Variants in CEP350 observed in about 807,000 individuals in gnomAD.
CEP350 encodes centrosomal protein 350.
CEP350 carries 126 observed loss-of-function variants against 331.8 expected under a neutral mutation model. The observed-to-expected ratio is 0.38, with a 90% CI of 0.33 to 0.44. CEP350 has a LOEUF of 0.44. Among genes scored for constraint, CEP350 ranks in the 20% least tolerant of loss-of-function variants. The pLI is 1.00. For synonymous variants in CEP350, 1,200 were observed against 1,259.5 expected, an observed-to-expected ratio of 0.95 and a Z score of 1.00; for missense variants, 3,406 against 3,634.6, an observed-to-expected ratio of 0.94 and a Z score of 1.62.
At chr1:180,063,186 C>CTT (rs35572192) in intron 26 of CEP350, among the ~76,000 whole-genome samples, 6,439 of 106,874 alleles carry the variant, frequency 0.06, 381 homozygotes, top group African/African-American at 0.13. Flanking sequence ...AAATTTGAAA[C>CTT]TTTTTTTTTT....
At chr1:180,040,947 A>T (rs1202867323) in intron 17 of CEP350, among the ~76,000 whole-genome samples, 191 bp from the exon 18 acceptor site, 4 of 152,174 alleles carry the variant, frequency 2.6e-5, no homozygotes, top group Admixed American at 6.5e-5. Context: ...TATTTGGCAT[A>T]TGGGAGGTGA....
chr1:180,041,110 G>T, intron 17 of CEP350, 28 bp from the exon 18 acceptor site: 1 of 1,504,476 alleles, frequency 6.6e-7, no homozygotes, highest in East Asian at 2.4e-5. Flanking sequence ...TCGTATCTGA[G>T]AATTAACATT....
Position 180,053,762 on chromosome 1 carries a change from C to T in CEP350, c.5002C>T (p.Pro1668Ser). ...TLSTAKELNMPFSGGQDSFSK... is the reference protein window; with the variant it reads ...TLSTAKELNMSFSGGQDSFSK... ...CCATCTACTTTAGGAACTGAACATG[C>T]CATTCTCAGGAGGACAAGATAGCTT... Residue 1668 changes from proline (P) to serine (S), a missense_variant, in exon 24 of 38, where the codon CCA (proline) becomes TCA (serine). This residue lies in a region of CEP350 where 104 missense variants were observed against 143.3 expected (regional missense o/e 0.73). Transcript: ENST00000367607. 1.9e-6 allele frequency: 3 copies of T among 1,577,816 alleles called. No homozygotes were observed. The highest frequency in any genetic ancestry group is 2.6e-6 in the Non-Finnish European group (3 of 1,156,380).
rs745628557 is a variant in CEP350, at chr1:180,020,023, C to T, written c.2249C>T (p.Pro750Leu). Reference sequence around the variant, plus strand: ...CAAGTTCACCATTCTCAACCACAGCCTTTTGCTGGAACAGCTGGAAGTTTA... The same window carrying T: ...CAAGTTCACCATTCTCAACCACAGCTTTTTGCTGGAACAGCTGGAAGTTTA... ...SPQVHHSQPQ[P>L]FAGTAGSLLS... The change falls in exon 12 of 38, where the codon CCT (proline) becomes CTT (leucine). Residue 750 changes from proline to leucine, a missense_variant. By Grantham distance (98) the Pro-to-Leu change is moderately conservative. Coordinates refer to ENST00000367607, the MANE Select transcript of CEP350 (RefSeq NM_014810.5). 3 of 1,613,960 alleles carry T rather than the reference C, an allele frequency of 1.9e-6. No individual in the cohort carries two copies. The highest frequency in any genetic ancestry group is 2.5e-6 in the Non-Finnish European group (3 of 1,179,858).
chr1:180,059,175 A>G (rs1363544101), intron 25 of CEP350, among the ~76,000 whole-genome samples: 6 of 152,204 alleles, frequency 3.9e-5, no homozygotes, highest in Non-Finnish European at 8.8e-5. Context: ...TCAGAAACTC[A>G]GGCCTAAGTT....
In CEP350 at chr1:180,044,045, T is replaced by A. The variant is rs79556502; in HGVS notation, c.4500-6T>A. On this transcript the variant is annotated splice_region_variant and splice_polypyrimidine_tract_variant and intron_variant, in intron 20 of 37. Coordinates refer to ENST00000367607, the MANE Select transcript of CEP350 (RefSeq NM_014810.5). Reference sequence around the variant, plus strand: ...AATGTTTAATCAGTTTTTATTTTATTTGTAGGAAAAGTCCATCTGTTTCAC... The same window carrying A: ...AATGTTTAATCAGTTTTTATTTTATATGTAGGAAAAGTCCATCTGTTTCAC... The A allele has an allele frequency of 6.6e-7, 1 of 1,520,800 alleles. No individual in the cohort carries two copies. The highest frequency in any genetic ancestry group is 2.5e-5 in the East Asian group (1 of 40,664). The allele number at this position is 1,520,800 out of a possible 1,614,324, so 94.2% of individuals were successfully genotyped here.
chr1:179,997,155 C>G lies in CEP350; in HGVS notation c.998C>G (p.Pro333Arg), dbSNP rs1412603011. 1 of 1,613,282 alleles carries G rather than the reference C, an allele frequency of 6.2e-7. No individual in the cohort carries two copies. Among genetic ancestry groups the G allele is most frequent in the Admixed American group, 1.7e-5 (1 of 59,924 alleles). ...AAAGTCAGAAAAGTGGCAACAGCAC[C>G]ACCTGCTCCAGCATATAAAGGTTTG... ...TAKVRKVATA[P>R]PAPAYKGFNP... Residue 333 changes from proline (P) to arginine (R), a missense_variant, in exon 6 of 38, where the codon CCA becomes CGA. Transcript: ENST00000367607.
In CEP350 at chr1:180,090,836, G is replaced by A. The variant is rs903947638; in HGVS notation, c.6508+40G>A. 3 of 1,477,364 alleles carry A rather than the reference G, an allele frequency of 2.0e-6. No homozygotes were observed. The African/African-American group carries it at 4.3e-5, about 21-fold the overall frequency. 91.5% of individuals were successfully genotyped at this position (1,477,364 alleles called of 1,614,324 possible). A position where few individuals can be genotyped will look rare whatever the true frequency, so the allele number is the denominator to read the frequency against. On this transcript the variant is annotated intron_variant, in intron 33 of 37. Coordinates refer to ENST00000367607, the MANE Select transcript of CEP350 (RefSeq NM_014810.5). ...AAAATAATTAACTTGTAGCTACATA[G>A]TCTAAGGATTTATGCAAAGGCCTAC...
At position 180,093,387 on chromosome 1, in the gene CEP350, A is replaced by G. The variant is rs760997693; in HGVS notation, c.7282A>G (p.Ser2428Gly). The G allele has an allele frequency of 1.9e-6, 3 of 1,599,540 alleles. No individual in the cohort carries two copies. ...PMRSSTSGAT[S>G]FGSNEEISEC... ...GAGGAGCTCTACAAGTGGAGCCACT[A>G]GCTTTGGTAGTAATGAGGAAATCAG... The change falls in exon 34 of 38, where the codon AGC becomes GGC. Residue 2428 changes from serine to glycine, a missense_variant. Physicochemically the swap from Ser to Gly is moderately conservative, Grantham distance 56 (BLOSUM62 0). This residue lies in a region of CEP350 where 1,415 missense variants were observed against 1,512.3 expected (regional missense o/e 0.94). Coordinates refer to ENST00000367607, the MANE Select transcript of CEP350 (RefSeq NM_014810.5).
At position 180,014,047 on chromosome 1, in the gene CEP350, C is replaced by G. The variant is rs760310872; in HGVS notation, c.1594C>G (p.Leu532Val). Reference protein sequence around the residue: ...DFLPIEIRGILDDLQLDSTAH... With the variant: ...DFLPIEIRGIVDDLQLDSTAH... ...TTTACCTATTGAAATTCGTGGCATT[C>G]TTGATGACCTACAGCTGGATTCTAC... is the stretch of plus-strand genomic sequence containing the variant. Residue 532 changes from leucine to valine, a missense_variant, in exon 10 of 38, where the codon CTT (leucine) becomes GTT (valine). Leu to Val is a conservative substitution (Grantham distance 32, BLOSUM62 1). Transcript: ENST00000367607. 1 of 1,612,456 alleles carries G rather than the reference C, an allele frequency of 6.2e-7. No individual in the cohort carries two copies. Among genetic ancestry groups the G allele is most frequent in the Admixed American group, 1.7e-5 (1 of 59,704 alleles).
At chr1:180,083,046 G>A (rs1659669379) in intron 30 of CEP350, among the ~76,000 whole-genome samples, 1 of 152,148 alleles carries the variant, frequency 6.6e-6, no homozygotes, top group Non-Finnish European at 1.5e-5. Flanking sequence ...TAAAAAGACT[G>A]TAATCTTTTT....
rs1442942156 is a variant in CEP350 at position 180,054,492 on chromosome 1, A to G, written c.5252A>G (p.Gln1751Arg). ...KKQRGLLLRL[Q>R]QEKAEIKRLQ... is the part of the protein sequence containing the mutation. ...CAGCGTGGTTTGCTTTTAAGGTTGC[A>G]GCAAGAAAAGGTATGTTAGGGAAGG... The change falls in exon 25 of 38, where the codon CAG becomes CGG. Residue 1751 changes from glutamine to arginine, a missense_variant. Coordinates refer to ENST00000367607, the MANE Select transcript of CEP350 (RefSeq NM_014810.5). 2.5e-6 allele frequency: 4 copies of G among 1,597,914 alleles called. No homozygotes were observed. The highest frequency in any genetic ancestry group is 3.5e-5 in the Admixed American group (2 of 57,636).
chr1:179,985,752 T>C (rs1652602104), intron 1 of CEP350, among the ~76,000 whole-genome samples: 1 of 102,570 alleles, frequency 9.7e-6, no homozygotes, highest in South Asian at 3.4e-4. Flanking sequence ...GAGAACAGCA[T>C]AGGGGAAACT....
rs143487664 is a variant in CEP350 at position 180,077,102 on chromosome 1, A to C, written c.5768-1361A>C. On this transcript the variant is annotated intron_variant, in intron 28 of 37. Transcript: ENST00000367607. ...GCAAAATTCTCATTACTTACAGTTA[A>C]TAAAACTATACACATAGGTAATCCA... is the stretch of plus-strand genomic sequence containing the variant. 9.6e-3 allele frequency among the ~76,000 whole-genome samples: 1,456 copies of C among 152,322 alleles called. 25 individuals carry two copies. The highest frequency in any genetic ancestry group is 0.032 in the African/African-American group (1,331 of 41,578).
chr1:180,072,673 A>T (rs1445686822), intron 27 of CEP350, among the ~76,000 whole-genome samples: 1 of 152,112 alleles, frequency 6.6e-6, no homozygotes, highest in Non-Finnish European at 1.5e-5. Context: ...TGTGTAAGTG[A>T]AGGGGAAATG....
In CEP350 at chr1:180,093,063, GAAAATCTCCATA is replaced by G; in HGVS notation, c.6962_6973del (p.Asn2321_Lys2324del). On this transcript the variant is annotated inframe_deletion, in exon 34 of 38. Coordinates refer to ENST00000367607, the MANE Select transcript of CEP350 (RefSeq NM_014810.5). ...GAAAGACCTAGTTGGATTAGCTATTGAAAATCTCCATAAAAGTGAGGAAATGTTGAAAGAGAG... is the reference window on the plus strand; with the variant it reads ...GAAAGACCTAGTTGGATTAGCTATTGAAAGTGAGGAAATGTTGAAAGAGAG... The G allele has an allele frequency of 6.2e-7, 1 of 1,605,916 alleles. No individual in the cohort carries two copies. Among genetic ancestry groups the G allele is most frequent in the East Asian group, 2.2e-5 (1 of 44,786 alleles).
chr1:180,078,424 T>C (rs1360711385), intron 28 of CEP350, 39 bp from the exon 29 acceptor site: 4 of 1,448,038 alleles, frequency 2.8e-6, no homozygotes, highest in Non-Finnish European at 3.8e-6. Flanking sequence ...TTGACCAAGA[T>C]TGTATCTTTT....
chr1:180,040,582 C>G (rs1656696931), intron 17 of CEP350, among the ~76,000 whole-genome samples: 1 of 151,572 alleles, frequency 6.6e-6, no homozygotes, highest in African/African-American at 2.4e-5. Flanking sequence ...GCCATTGTGC[C>G]CAGCCCTTAC....
At chr1:180,075,313 G>T in intron 28 of CEP350, 92 bp downstream of exon 28, 3 of 1,287,704 alleles carry the variant, frequency 2.3e-6, no homozygotes, top group East Asian at 2.6e-5. Context: ...GAGGCTGGGC[G>T]CAGTGGCTCA....
Sources: gnomAD v4.1 joint callset for allele counts (sites outside exome capture counted in the v4.1 genomes callset) on GRCh38, gnomAD v4.1.1 for gene constraint, gnomAD v4.1.1 regional missense constraint, MANE v1.5 for transcripts, NCBI Gene and HGNC (gene_info 2026-07-23, HGNC 2026-07-21) for gene names.